CDH12: variants seen among roughly 807,000 people sequenced by gnomAD.
CDH12 encodes cadherin-12.
A neutral mutation model predicts 74.1 loss-of-function variants in CDH12; 41 were observed. The ratio of observed to expected loss-of-function variants is 0.55; its 90% CI spans 0.43 to 0.72. The LOEUF is 0.72. Ranked by LOEUF, CDH12 falls within the 30% of genes least tolerant of loss-of-function variation. The pLI is 0.00. For missense variants in CDH12, 945 were observed against 977.2 expected (o/e 0.97, Z 0.44); for synonymous variants, 399 against 355.0 (o/e 1.12, Z -1.39).
At chr5:22,375,146 A>G (rs1209962385) in intron 3 of CDH12, among the ~76,000 whole-genome samples, 1 of 152,140 alleles carries the variant, frequency 6.6e-6, no homozygotes, top group Non-Finnish European at 1.5e-5. Context: ...AAATAGATCC[A>G]AGTATTTACG....
chr5:21,882,766 G>A (rs374578443), intron 6 of CDH12: 8 of 1,599,370 alleles, frequency 5.0e-6, no homozygotes, highest in Non-Finnish European at 5.1e-6. Context: ...GAGCCAAAGG[G>A]AAGAACAGTG....
intron 2 of CDH12, among the ~76,000 whole-genome samples, chr5:22,461,393 A>G (rs937004601): frequency 2.0e-5 from 3 of 151,528 alleles, no homozygotes; most frequent in Non-Finnish European, 4.4e-5. Flanking sequence ...GAGAATAATC[A>G]TTTTACTACT....
chr5:21,886,365 A>G (rs1235678696), intron 6 of CDH12, among the ~76,000 whole-genome samples: 1 of 151,510 alleles, frequency 6.6e-6, no homozygotes, highest in Non-Finnish European at 1.5e-5. Context: ...GTGTGAAATT[A>G]TAAATTTTGC....
chr5:22,581,198 C>T (rs1162515707), intron 1 of CDH12, among the ~76,000 whole-genome samples: 4 of 152,244 alleles, frequency 2.6e-5, no homozygotes, highest in African/African-American at 7.2e-5. Context: ...CCTCCCATCA[C>T]AGGCCTGAAG....
At chr5:22,208,571 C>T (rs1275510798) in intron 4 of CDH12, among the ~76,000 whole-genome samples, 1 of 152,206 alleles carries the variant, frequency 6.6e-6, no homozygotes, top group Admixed American at 6.5e-5. Flanking sequence ...TGAGGCTCCA[C>T]ATGGCATTTC....
intron 3 of CDH12, among the ~76,000 whole-genome samples, chr5:22,234,595 T>C (rs937903310): frequency 4.0e-5 from 6 of 149,546 alleles, no homozygotes; most frequent in African/African-American, 1.2e-4. Flanking sequence ...TTTTTTTTTT[T>C]CAGCAGCATG....
chr5:22,357,547 G>T (rs1035963502), intron 3 of CDH12, among the ~76,000 whole-genome samples: 1 of 152,068 alleles, frequency 6.6e-6, no homozygotes, highest in Non-Finnish European at 1.5e-5. Context: ...GATTGTCAAC[G>T]TATTAACATA....
intron 5 of CDH12, among the ~76,000 whole-genome samples, chr5:22,036,850 A>G (rs190411518): frequency 1.2e-3 from 183 of 152,324 alleles, no homozygotes; most frequent in African/African-American, 4.2e-3. Flanking sequence ...GCATTTAGAT[A>G]ACTCATTTCC....
chr5:22,541,011 G>A (rs1738076338), intron 1 of CDH12, among the ~76,000 whole-genome samples: 1 of 152,184 alleles, frequency 6.6e-6, no homozygotes, highest in African/African-American at 2.4e-5. Flanking sequence ...GGTTGACTTG[G>A]AGAGGGAAAG....
chr5:22,014,944 T>C (rs1737515398), intron 5 of CDH12, among the ~76,000 whole-genome samples: 2 of 152,122 alleles, frequency 1.3e-5, no homozygotes, highest in South Asian at 2.1e-4. Context: ...TAAATATGTA[T>C]GCATAAGGCC....
chr5:21,751,617 T>TGG lies in CDH12; in HGVS notation c.*119_*120insCC. ...AAGGAATCTTGTCCCAGAGTGTGTG[T>TGG]GTGTGTGTGTGTGTTTGTGTGTGTG... On this transcript the variant is annotated 3_prime_UTR_variant, in exon 15 of 15. Transcript: ENST00000382254. 1 of 693,446 alleles carries TGG rather than the reference T, an allele frequency of 1.4e-6. No homozygotes were observed. The highest frequency in any genetic ancestry group is 2.4e-6 in the Non-Finnish European group (1 of 412,178). 43.0% of individuals were successfully genotyped at this position (693,446 alleles called of 1,614,324 possible). A position where few individuals can be genotyped will look rare whatever the true frequency, so the allele number is the denominator to read the frequency against.
At chr5:22,461,529 AG>A (rs1330317130) in intron 2 of CDH12, among the ~76,000 whole-genome samples, 1 of 151,922 alleles carries the variant, frequency 6.6e-6, no homozygotes, top group African/African-American at 2.4e-5. Context: ...TAAATATCTA[AG>A]GGCTAAAAAA....
At chr5:22,587,616 A>C (rs1055202559) in intron 1 of CDH12, among the ~76,000 whole-genome samples, 8 of 152,114 alleles carry the variant, frequency 5.3e-5, no homozygotes, top group African/African-American at 1.9e-4. Flanking sequence ...CCCTTACTGC[A>C]AGTCACTAAC....
intron 4 of CDH12, among the ~76,000 whole-genome samples, chr5:22,096,619 C>T (rs1743798186): frequency 6.6e-6 from 1 of 152,146 alleles, no homozygotes; most frequent in Admixed American, 6.5e-5. Context: ...CCTCCCCCAC[C>T]TGCCCAGCAA....
chr5:22,703,538 G>C (rs1411123294), intron 1 of CDH12, among the ~76,000 whole-genome samples: 1 of 152,060 alleles, frequency 6.6e-6, no homozygotes, highest in Non-Finnish European at 1.5e-5. Flanking sequence ...GTAAAAAGTT[G>C]AATCAGCTCC....
intron 1 of CDH12, among the ~76,000 whole-genome samples, chr5:22,844,843 A>G (rs1737229392): frequency 1.3e-5 from 2 of 152,124 alleles, no homozygotes; most frequent in Non-Finnish European, 2.9e-5. Flanking sequence ...GAAGAGAGCT[A>G]CTGAATTAAA....
In CDH12 at chr5:21,969,165, GAATT is replaced by G. The variant is rs536712412; in HGVS notation, c.526+5922_526+5925del. Among the ~76,000 whole-genome samples the G allele has an allele frequency of 3.5e-3, 527 of 150,574 alleles. 4 individuals carry two copies. Among genetic ancestry groups the G allele is most frequent in the African/African-American group, 0.012 (493 of 40,662 alleles). On this transcript the variant is annotated intron_variant, in intron 6 of 14. Coordinates refer to ENST00000382254, the MANE Select transcript of CDH12 (RefSeq NM_004061.5). ...AAAAATCTAAAAGAAAAAAAAAAAAGAATTAAACCCAAAATCACTTCCCCATCTA... is the reference window on the plus strand; with the variant it reads ...AAAAATCTAAAAGAAAAAAAAAAAAGAAACCCAAAATCACTTCCCCATCTA...
At chr5:22,542,161 T>C (rs973773270) in intron 1 of CDH12, among the ~76,000 whole-genome samples, 4 of 152,226 alleles carry the variant, frequency 2.6e-5, no homozygotes, top group African/African-American at 9.6e-5. Context: ...ATGTAATTTT[T>C]ATTTACAGGT....
At chr5:22,493,770 A>G (rs1398629320) in intron 2 of CDH12, among the ~76,000 whole-genome samples, 1 of 152,194 alleles carries the variant, frequency 6.6e-6, no homozygotes, top group Non-Finnish European at 1.5e-5. Context: ...CACTGAACTG[A>G]GAATGGGCCA....
Sources: gnomAD v4.1 joint callset for allele counts (sites outside exome capture counted in the v4.1 genomes callset) on GRCh38, gnomAD v4.1.1 for gene constraint, MANE v1.5 for transcripts, NCBI Gene and HGNC (gene_info 2026-07-23, HGNC 2026-07-21) for gene names.